ZNF804B: variants seen among roughly 807,000 people sequenced by gnomAD.
ZNF804B encodes the protein zinc finger protein 804B.
ZNF804B carries 80 observed loss-of-function variants against 101.4 expected under a neutral mutation model. The observed-to-expected ratio is 0.79, with a 90% CI of 0.66 to 0.95. The LOEUF is 0.95. ZNF804B is among the 40% of genes least tolerant of loss of function. ZNF804B has a pLI of 0.00. For synonymous variants in ZNF804B, 622 were observed against 558.8 expected (o/e 1.11, Z -1.59); for missense variants, 1,673 against 1,561.9 (o/e 1.07, Z -1.20).
chr7:89,086,487 A>G (rs1410379371), intron 1 of ZNF804B, among the ~76,000 whole-genome samples: 1 of 152,012 alleles, frequency 6.6e-6, no homozygotes, highest in Non-Finnish European at 1.5e-5. Flanking sequence ...TATGCAGTCA[A>G]GGTGTCTGGT....
At chr7:89,093,987 T>C (rs1294291866) in intron 1 of ZNF804B, among the ~76,000 whole-genome samples, 1 of 152,246 alleles carries the variant, frequency 6.6e-6, no homozygotes, top group Non-Finnish European at 1.5e-5. Context: ...CCCACCAGGA[T>C]AGGTGACCTA....
At chr7:89,269,677 C>A (rs984721131) in intron 2 of ZNF804B, among the ~76,000 whole-genome samples, 1 of 152,166 alleles carries the variant, frequency 6.6e-6, no homozygotes, top group African/African-American at 2.4e-5. Context: ...TACAGTCCCA[C>A]CAATAGTGTA....
At chr7:89,246,045 A>T (rs922337231) in intron 2 of ZNF804B, among the ~76,000 whole-genome samples, 1 of 152,112 alleles carries the variant, frequency 6.6e-6, no homozygotes, top group African/African-American at 2.4e-5. Flanking sequence ...TGTCATTATA[A>T]CCTGGGTGCA....
chr7:89,178,046 T>C (rs1788222725), intron 1 of ZNF804B, among the ~76,000 whole-genome samples: 1 of 152,214 alleles, frequency 6.6e-6, no homozygotes, highest in Non-Finnish European at 1.5e-5. Context: ...TCTCCTTTTT[T>C]GTTTGTTGTC....
chr7:89,120,995 A>T (rs1455703215), intron 1 of ZNF804B, among the ~76,000 whole-genome samples: 3 of 152,212 alleles, frequency 2.0e-5, no homozygotes, highest in Admixed American at 6.5e-5. Context: ...TTTTGCATAT[A>T]TTAAACGACT....
rs545115571 is a variant in ZNF804B at position 89,014,865 on chromosome 7, A to G, written c.109-203290A>G. 7.7e-4 allele frequency among the ~76,000 whole-genome samples: 117 copies of G among 152,258 alleles called. 1 individual carries two copies. Among genetic ancestry groups the G allele is most frequent in the Non-Finnish European group, 1.4e-3 (97 of 68,004 alleles). ...AGAAGTTTTGTTGCTTGATATAATC[A>G]CACTTGTTTTTGTTTTTATCACCTG... On this transcript the variant is annotated intron_variant, in intron 1 of 3. Coordinates refer to ENST00000333190, the MANE Select transcript of ZNF804B (RefSeq NM_181646.5).
chr7:88,877,708 A>G (rs1791974011), intron 1 of ZNF804B, among the ~76,000 whole-genome samples: 1 of 152,192 alleles, frequency 6.6e-6, no homozygotes, highest in Admixed American at 6.5e-5. Flanking sequence ...TACAGAATTT[A>G]TAGCGGGGAA....
intron 2 of ZNF804B, among the ~76,000 whole-genome samples, chr7:89,265,653 A>C (rs1014557104): frequency 2.0e-5 from 3 of 152,364 alleles, no homozygotes; most frequent in African/African-American, 7.2e-5. Flanking sequence ...TTACAGGGTA[A>C]TCTCAAAATA....
chr7:89,078,144 T>C (rs1159365247), intron 1 of ZNF804B, among the ~76,000 whole-genome samples: 2 of 152,124 alleles, frequency 1.3e-5, no homozygotes, highest in East Asian at 3.9e-4. Context: ...CCATTTGGAA[T>C]TCCTTCCTGT....
At position 89,218,165 on chromosome 7, in the gene ZNF804B, A is replaced by G. The variant is rs1788925553; in HGVS notation, c.119A>G (p.Glu40Gly). The G allele has an allele frequency of 6.2e-7, 1 of 1,611,878 alleles. No homozygotes were observed. The highest frequency in any genetic ancestry group is 1.3e-5 in the African/African-American group (1 of 74,742). ...KNGSPSPDFA[E>G]KKSTAKALED... ...TATTTTTTCTTAAAGGATTTTGCAGAAAAGAAGTCCACAGCAAAGGCCCTG... is the reference window on the plus strand; with the variant it reads ...TATTTTTTCTTAAAGGATTTTGCAGGAAAGAAGTCCACAGCAAAGGCCCTG... Residue 40 changes from glutamate to glycine, a missense_variant, in exon 2 of 4, where the codon GAA becomes GGA. Coordinates refer to ENST00000333190, the MANE Select transcript of ZNF804B (RefSeq NM_181646.5).
In ZNF804B at chr7:89,133,993, A is replaced by G. The variant is rs1230484816; in HGVS notation, c.109-84162A>G. Among the ~76,000 whole-genome samples the G allele has an allele frequency of 2.6e-5, 4 of 152,088 alleles. No individual in the cohort carries two copies. In the South Asian group the frequency reaches 8.3e-4, roughly 31 times the overall value. On this transcript the variant is annotated intron_variant, in intron 1 of 3. Transcript: ENST00000333190. ...AGTCACGGAATTTATGCAGCTTTTC[A>G]GTGGATGAAAGTGGATTACTCCTTT...
At chr7:89,280,458 A>T (rs1396699498) in intron 2 of ZNF804B, among the ~76,000 whole-genome samples, 2 of 152,104 alleles carry the variant, frequency 1.3e-5, no homozygotes, top group South Asian at 2.1e-4. Context: ...CAAAAAATTA[A>T]TGAATCCAGG....
intron 1 of ZNF804B, among the ~76,000 whole-genome samples, chr7:88,900,717 A>G (rs1424853212): frequency 6.6e-6 from 1 of 151,476 alleles, no homozygotes; most frequent in Non-Finnish European, 1.5e-5. Flanking sequence ...AGAATGATAT[A>G]AAAAGTATTT....
intron 1 of ZNF804B, among the ~76,000 whole-genome samples, chr7:88,916,185 T>G (rs1792630292): frequency 6.6e-6 from 1 of 152,078 alleles, no homozygotes; most frequent in Non-Finnish European, 1.5e-5. Flanking sequence ...CCATTATTTA[T>G]TTTCCAAATT....
intron 1 of ZNF804B, among the ~76,000 whole-genome samples, chr7:89,033,714 G>A (rs1281304585): frequency 6.6e-6 from 1 of 151,950 alleles, no homozygotes; most frequent in Non-Finnish European, 1.5e-5. Flanking sequence ...TACCTTTCCT[G>A]ATGAATGACA....
intron 1 of ZNF804B, among the ~76,000 whole-genome samples, chr7:89,097,712 T>C (rs1168257026): frequency 6.6e-6 from 1 of 152,200 alleles, no homozygotes; most frequent in Non-Finnish European, 1.5e-5. Context: ...AAAATTATAA[T>C]ACAGGACTCT....
chr7:89,088,532 T>C (rs952755023), intron 1 of ZNF804B, among the ~76,000 whole-genome samples: 8 of 151,070 alleles, frequency 5.3e-5, no homozygotes, highest in Non-Finnish European at 7.4e-5. Flanking sequence ...CCCCATGTAA[T>C]AAGGACTGGA....
chr7:88,901,217 A>G (rs1385849902), intron 1 of ZNF804B, among the ~76,000 whole-genome samples: 1 of 151,898 alleles, frequency 6.6e-6, no homozygotes, highest in Non-Finnish European at 1.5e-5. Context: ...CAAAGTTAGC[A>G]TTTCAGTCTA....
rs958160572 is a variant in ZNF804B, at chr7:88,825,912, A to G, written c.108+65828A>G. Among the ~76,000 whole-genome samples the G allele has an allele frequency of 5.9e-5, 9 of 152,278 alleles. No individual in the cohort carries two copies. In the East Asian group the frequency reaches 1.7e-3, roughly 29 times the overall value. Reference sequence around the variant, plus strand: ...CCTGCCTCCTCTAAGATGGTGAAATATAGAACAAATAGTTCCTATTTTATT... The same window carrying G: ...CCTGCCTCCTCTAAGATGGTGAAATGTAGAACAAATAGTTCCTATTTTATT... On this transcript the variant is annotated intron_variant, in intron 1 of 3. Transcript: ENST00000333190.
Sources: allele counts gnomAD v4.1 joint callset (sites outside exome capture counted in the v4.1 genomes callset), GRCh38; gene constraint gnomAD v4.1.1; transcripts MANE v1.5; gene names NCBI Gene and HGNC (gene_info 2026-07-23, HGNC 2026-07-21).